The following TRIM24 variants were observed in gnomAD, a reference collection of about 807,000 sequenced individuals.
TRIM24 encodes the protein transcription intermediary factor 1-alpha.
A neutral mutation model predicts 123.9 loss-of-function variants in TRIM24; 29 were observed. That is an observed-to-expected ratio of 0.23 (90% CI 0.17 to 0.32). TRIM24 has a LOEUF of 0.32. Among genes scored for constraint, TRIM24 ranks in the 10% least tolerant of loss-of-function variants. TRIM24 has a pLI of 1.00. For synonymous variants in TRIM24, 456 were observed against 461.1 expected (o/e 0.99, Z 0.14); for missense variants, 932 against 1,295.3 (o/e 0.72, Z 4.31).
chr7:138,483,212 A>T (rs1304108570), intron 1 of TRIM24, among the ~76,000 whole-genome samples: 1 of 152,172 alleles, frequency 6.6e-6, no homozygotes, highest in Non-Finnish European at 1.5e-5. Flanking sequence ...CTGGGATCCT[A>T]GGCATTAGCC....
At chr7:138,482,190 C>T (rs1374066648) in intron 1 of TRIM24, among the ~76,000 whole-genome samples, 1 of 152,076 alleles carries the variant, frequency 6.6e-6, no homozygotes, top group Non-Finnish European at 1.5e-5. Context: ...TCAAATTGTC[C>T]TCCTGTCTTG....
At chr7:138,532,766 C>T (rs770704207) in intron 6 of TRIM24, among the ~76,000 whole-genome samples, 12 of 152,046 alleles carry the variant, frequency 7.9e-5, no homozygotes, top group Admixed American at 1.3e-4. Flanking sequence ...ATTGGTAGCT[C>T]AACGGGGATG....
rs1797959108 is a variant in TRIM24, at chr7:138,583,921, T to C, written c.2865T>C (p.Asp955=). 1 of 1,604,170 alleles carries C rather than the reference T, an allele frequency of 6.2e-7. No individual in the cohort carries two copies. The highest frequency in any genetic ancestry group is 8.5e-7 in the Non-Finnish European group (1 of 1,176,252). The change falls in exon 18 of 19, where the codon GAT becomes GAC. Residue 955 remains aspartate, a synonymous_variant. Coordinates refer to ENST00000343526, the MANE Select transcript of TRIM24 (RefSeq NM_015905.3). ...CCATCAAGAAAAGACTACAAGAAGA[T>C]TATTCCATGTACTCAAAACCTGAAG... ...LSTIKKRLQE[D]YSMYSKPEDF...
intron 1 of TRIM24, among the ~76,000 whole-genome samples, chr7:138,497,138 G>A (rs1795924382): frequency 6.6e-6 from 1 of 152,054 alleles, no homozygotes; most frequent in East Asian, 1.9e-4. Context: ...GCTTAGGGAT[G>A]GTCTTACCTT....
chr7:138,561,677 G>C (rs1359194422), intron 9 of TRIM24, among the ~76,000 whole-genome samples: 1 of 152,182 alleles, frequency 6.6e-6, no homozygotes, highest in African/African-American at 2.4e-5. Context: ...ACCGGGCCAT[G>C]CCATGATCCT....
chr7:138,511,564 A>G (rs1291770783), intron 2 of TRIM24, among the ~76,000 whole-genome samples: 1 of 152,134 alleles, frequency 6.6e-6, no homozygotes, highest in Non-Finnish European at 1.5e-5. Flanking sequence ...TGCTGGGATT[A>G]TATGCGTGAG....
chr7:138,506,806 G>A (rs2116534084), intron 2 of TRIM24, among the ~76,000 whole-genome samples: 1 of 152,238 alleles, frequency 6.6e-6, no homozygotes, highest in East Asian at 1.9e-4. Flanking sequence ...ATGAGAATAG[G>A]GTGCTGCTGG....
At chr7:138,565,233 A>G (rs1797512343) in intron 9 of TRIM24, among the ~76,000 whole-genome samples, 1 of 151,894 alleles carries the variant, frequency 6.6e-6, no homozygotes, top group Admixed American at 6.6e-5. Context: ...AGCCACTCTC[A>G]TGTCCTGGGT....
In TRIM24 at chr7:138,521,627, C is replaced by G. The variant is rs555373067; in HGVS notation, c.764+2306C>G. Among the ~76,000 whole-genome samples the G allele has an allele frequency of 1.1e-4, 17 of 152,200 alleles. No individual in the cohort carries two copies. In the South Asian group the frequency reaches 2.3e-3, roughly 20 times the overall value. ...ATACTATAATTATACTAAGTGTGAACAGACAAAATGTTCCAAATTACAAGA... is the reference window on the plus strand; with the variant it reads ...ATACTATAATTATACTAAGTGTGAAGAGACAAAATGTTCCAAATTACAAGA... On this transcript the variant is annotated intron_variant, in intron 4 of 18. Transcript: ENST00000343526.
At chr7:138,512,351 C>G (rs1796307108) in intron 2 of TRIM24, among the ~76,000 whole-genome samples, 1 of 152,144 alleles carries the variant, frequency 6.6e-6, no homozygotes, top group Non-Finnish European at 1.5e-5. Context: ...TGGGAGGGCC[C>G]CAGTGGTGAC....
At position 138,567,513 on chromosome 7, in the gene TRIM24, T is replaced by G. The variant is rs776902843; in HGVS notation, c.1563T>G (p.Asn521Lys). The change falls in exon 10 of 19, where the codon AAT becomes AAG. Residue 521 changes from asparagine (N) to lysine (K), a missense_variant. Transcript: ENST00000343526. Reference sequence around the variant, plus strand: ...CTCCACGTTTGATAAACTTTCAGAATCACAGCCCCAAACCCAATGGACCAG... The same window carrying G: ...CTCCACGTTTGATAAACTTTCAGAAGCACAGCCCCAAACCCAATGGACCAG... ...QPPPRLINFQ[N>K]HSPKPNGPVL... 1 of 1,611,914 alleles carries G rather than the reference T, an allele frequency of 6.2e-7. No homozygotes were observed.
intron 1 of TRIM24, among the ~76,000 whole-genome samples, chr7:138,478,034 G>T (rs1795441860): frequency 6.6e-6 from 1 of 152,124 alleles, no homozygotes; most frequent in African/African-American, 2.4e-5. Flanking sequence ...CTTGAGAAAG[G>T]AAATACTGTA....
intron 1 of TRIM24, among the ~76,000 whole-genome samples, chr7:138,468,708 A>G (rs1011414270): frequency 1.3e-5 from 2 of 151,840 alleles, no homozygotes; most frequent in East Asian, 1.9e-4. Flanking sequence ...TTCTCTCTCA[A>G]TCCCTTAGCA....
intron 1 of TRIM24, among the ~76,000 whole-genome samples, chr7:138,500,563 CAAAAAAAAAA>C (rs773042715): frequency 4.9e-5 from 3 of 61,414 alleles, no homozygotes; most frequent in African/African-American, 1.1e-4. Context: ...GACCTTGTTT[CAAAAAAAAAA>C]AAAAAAAAAA....
chr7:138,536,337 C>G (rs923312492), intron 6 of TRIM24, among the ~76,000 whole-genome samples: 46 of 152,192 alleles, frequency 3.0e-4, no homozygotes, highest in Non-Finnish European at 6.5e-4. Context: ...TTTTCCCCAT[C>G]TTTGTGGTTT....
rs1242833560 is a variant in TRIM24 at position 138,550,316 on chromosome 7, A to G, written c.1144-747A>G. The stretch of plus-strand genomic sequence containing the variant: ...AATTGAGTGAGAGAAAGAGGAGTTG[A>G]TGGTGTGTGTGTGTGTGTGTGTGTG... On this transcript the variant is annotated intron_variant, in intron 7 of 18. Coordinates refer to ENST00000343526, the MANE Select transcript of TRIM24 (RefSeq NM_015905.3). 5.7e-5 allele frequency among the ~76,000 whole-genome samples: 7 copies of G among 122,150 alleles called. No individual in the cohort carries two copies. In the East Asian group the frequency reaches 1.1e-3, roughly 20 times the overall value. 80.1% of individuals were successfully genotyped at this position (122,150 alleles called of 152,430 possible).
intron 14 of TRIM24, among the ~76,000 whole-genome samples, 174 bp from the exon 15 acceptor site, chr7:138,579,030 T>C (rs1797836415): frequency 6.6e-6 from 1 of 152,078 alleles, no homozygotes; most frequent in Admixed American, 6.6e-5. Context: ...TATTTTGGTA[T>C]TTTTTAGTAG....
intron 1 of TRIM24, among the ~76,000 whole-genome samples, chr7:138,484,111 GA>G (rs1795593147): frequency 6.6e-6 from 1 of 151,028 alleles, no homozygotes; most frequent in African/African-American, 2.5e-5. Flanking sequence ...ATCATAAATA[GA>G]TTTTTTTTTT....
chr7:138,471,978 G>A (rs550935787), intron 1 of TRIM24, among the ~76,000 whole-genome samples: 1 of 152,170 alleles, frequency 6.6e-6, no homozygotes, highest in East Asian at 1.9e-4. Context: ...GTTTTACAGG[G>A]TCATGCTCCT....
Sources: gnomAD v4.1 joint callset for allele counts (sites outside exome capture counted in the v4.1 genomes callset) on GRCh38, gnomAD v4.1.1 for gene constraint, MANE v1.5 for transcripts, NCBI Gene and HGNC (gene_info 2026-07-23, HGNC 2026-07-21) for gene names.